BBS1: variants seen among roughly 807,000 people sequenced by gnomAD.
BBS1 encodes Bardet-Biedl syndrome 1.
In BBS1, 60 loss-of-function variants were observed where a neutral mutation model predicts 73.9. The ratio of observed to expected loss-of-function variants is 0.81; its 90% CI spans 0.66 to 1.01. The LOEUF is 1.01. Among genes scored for constraint, BBS1 ranks in the 50% least tolerant of loss-of-function variants. BBS1 has a pLI of 0.00. For missense variants in BBS1, 718 were observed against 770.3 expected (o/e 0.93, Z 0.80); for synonymous variants, 283 against 317.4 (o/e 0.89, Z 1.15).
chr11:66,530,598 A>G (rs999925759), intron 14 of BBS1, among the ~76,000 whole-genome samples: 2 of 151,944 alleles, frequency 1.3e-5, no homozygotes, highest in Admixed American at 6.6e-5. Context: ...CTACCCTAGG[A>G]TGAGAGTGGG....
chr11:66,515,399 C>A, intron 4 of BBS1, 141 bp from the exon 5 acceptor site: 1 of 872,780 alleles, frequency 1.1e-6, no homozygotes, highest in Non-Finnish European at 1.9e-6. Context: ...AGGACGTGAG[C>A]TTGGTGCTCA....
chr11:66,519,440 T>A (rs1309424490), intron 7 of BBS1, among the ~76,000 whole-genome samples, 177 bp from the exon 8 acceptor site: 1 of 152,224 alleles, frequency 6.6e-6, no homozygotes, highest in Non-Finnish European at 1.5e-5. Flanking sequence ...CAATCCTCTT[T>A]TGTTAGAAAG....
chr11:66,523,581 A>G lies in BBS1; in HGVS notation c.951+5A>G. The stretch of plus-strand genomic sequence containing the variant: ...CTGCATGGCTTCACCCACAAGGTGC[A>G]GCCCCCAGCAAGCAGCAGCCCCTCC... On this transcript the variant is annotated splice_donor_5th_base_variant and intron_variant, in intron 10 of 16. Transcript: ENST00000318312. 1 of 1,614,138 alleles carries G rather than the reference A, an allele frequency of 6.2e-7. No homozygotes were observed. The highest frequency in any genetic ancestry group is 8.5e-7 in the Non-Finnish European group (1 of 1,180,028).
chr11:66,523,468 C>A lies in BBS1; in HGVS notation c.843C>A (p.His281Gln), dbSNP rs748076552. 1 of 1,614,136 alleles carries A rather than the reference C, an allele frequency of 6.2e-7. No individual in the cohort carries two copies. Among genetic ancestry groups the A allele is most frequent in the South Asian group, 1.1e-5 (1 of 91,086 alleles). Reference sequence around the variant, plus strand: ...GTTTATTCCACAGAGACTCCAAGCACCCCAAGTACTGCATCGAGCTGAGCG... The same window carrying A: ...GTTTATTCCACAGAGACTCCAAGCAACCCAAGTACTGCATCGAGCTGAGCG... ...NIYILRRDSK[H>Q]PKYCIELSAQ... The change falls in exon 10 of 17, where the codon CAC (histidine) becomes CAA (glutamine). Residue 281 changes from histidine to glutamine, a missense_variant. Transcript: ENST00000318312.
intron 3 of BBS1, 25 bp downstream of exon 3, chr11:66,511,264 G>A: frequency 6.2e-7 from 1 of 1,613,944 alleles, no homozygotes; most frequent in South Asian, 1.1e-5. Context: ...CTAGCCAGGA[G>A]AGTTGAGGGT....
At position 66,514,382 on chromosome 11, in the gene BBS1, G is replaced by C. The variant is rs774930010; in HGVS notation, c.160-24G>C. On this transcript the variant is annotated intron_variant, in intron 3 of 16. Coordinates refer to ENST00000318312, the MANE Select transcript of BBS1 (RefSeq NM_024649.5). ...GAGAGGTCTTCAGACCCTGAGCCTA[G>C]AATGAGCCATCCTCTCCCTGCAGCT... is the stretch of plus-strand genomic sequence containing the variant. The C allele has an allele frequency of 1.7e-5, 27 of 1,613,734 alleles. No individual in the cohort carries two copies. In the East Asian group the frequency reaches 2.2e-4, roughly 13 times the overall value.
intron 5 of BBS1, 50 bp from the exon 6 acceptor site, chr11:66,515,643 C>T (rs1272076327): frequency 6.2e-7 from 1 of 1,614,090 alleles, no homozygotes; most frequent in African/African-American, 1.3e-5. Context: ...ATCTGAGCCC[C>T]AGGGCCCCAT....
chr11:66,531,179 A>C (rs1471353253), intron 15 of BBS1, 151 bp downstream of exon 15: 2 of 1,158,108 alleles, frequency 1.7e-6, no homozygotes, highest in Non-Finnish European at 2.5e-6. Flanking sequence ...AGACCAGGCC[A>C]AGGCCCCAGT....
chr11:66,523,772 A>C lies in BBS1; in HGVS notation c.1000A>C (p.Asn334His). The C allele has an allele frequency of 6.2e-7, 1 of 1,613,200 alleles. No homozygotes were observed. The highest frequency in any genetic ancestry group is 1.1e-5 in the South Asian group (1 of 91,084). Residue 334 changes from asparagine to histidine, a missense_variant, in exon 11 of 17, where the codon AAC (asparagine) becomes CAC (histidine). By Grantham distance (68) the Asn-to-His change is moderately conservative. Transcript: ENST00000318312. Reference sequence around the variant, plus strand: ...GATGCCCGCAGCCATCCTGACCATGAACCTCCTGGAGCAGCATTCCCGGGG... The same window carrying C: ...GATGCCCGCAGCCATCCTGACCATGCACCTCCTGGAGCAGCATTCCCGGGG... ...VQMPAAILTM[N>H]LLEQHSRGLQ...
chr11:66,529,236 G>A (rs1001335171), intron 13 of BBS1: 2 of 1,503,930 alleles, frequency 1.3e-6, no homozygotes, highest in East Asian at 4.9e-5. Flanking sequence ...AGAGTCATGT[G>A]ATCCTGCAAA....
chr11:66,518,761 T>TTC (rs1555047267), intron 7 of BBS1, among the ~76,000 whole-genome samples: 2 of 149,684 alleles, frequency 1.3e-5, no homozygotes, highest in Admixed American at 1.3e-4. Context: ...CCTTTTCTTT[T>TTC]TTTTTTTTTT....
chr11:66,526,643 C>T lies in BBS1; in HGVS notation c.1181-6C>T, dbSNP rs368445790. The T allele has an allele frequency of 1.9e-6, 3 of 1,614,184 alleles. No homozygotes were observed. Among genetic ancestry groups the T allele is most frequent in the Middle Eastern group, 3.3e-4 (2 of 6,062 alleles). On this transcript the variant is annotated splice_polypyrimidine_tract_variant and splice_region_variant and intron_variant, in intron 12 of 16. Coordinates refer to ENST00000318312, the MANE Select transcript of BBS1 (RefSeq NM_024649.5). ...ACAAATCCATTTCCACTGTCCACTTCCCTAGGTGGTGGCCTGATCATCAAG... is the reference window on the plus strand; with the variant it reads ...ACAAATCCATTTCCACTGTCCACTTTCCTAGGTGGTGGCCTGATCATCAAG...
At chr11:66,519,546 G>A in intron 7 of BBS1, 71 bp from the exon 8 acceptor site, 1 of 1,605,690 alleles carries the variant, frequency 6.2e-7, no homozygotes, top group Non-Finnish European at 8.5e-7. Flanking sequence ...CTTCCCTCAT[G>A]TGGCATTCTG....
Position 66,529,857 on chromosome 11 carries a change from C to T in BBS1, c.1378C>T (p.Arg460Cys), listed in dbSNP as rs745460551. Residue 460 changes from arginine (R) to cysteine (C), a missense_variant, in exon 14 of 17, where the codon CGC becomes TGC. Arg to Cys is a radical substitution (Grantham distance 180). Transcript: ENST00000318312. ...RAFQTDLYLL[R>C]LRAARAYLQA... ...CTTCCAGACAGACCTATACCTGCTGCGCCTACGTGCTGCCCGCGCCTACCT... is the reference window on the plus strand; with the variant it reads ...CTTCCAGACAGACCTATACCTGCTGTGCCTACGTGCTGCCCGCGCCTACCT... 4.0e-5 allele frequency: 65 copies of T among 1,610,798 alleles called. 2 individuals carry two copies. In the South Asian group the frequency reaches 5.3e-4, roughly 13 times the overall value.
chr11:66,525,437 A>G (rs10896126), intron 11 of BBS1, among the ~76,000 whole-genome samples: 41,218 of 151,906 alleles, frequency 0.27, 5,739 homozygotes, highest in Middle Eastern at 0.36. Flanking sequence ...ATGGTGGTGC[A>G]TGCCTATAAT....
intron 14 of BBS1, 137 bp from the exon 15 acceptor site, chr11:66,530,757 C>G (rs1856742205): frequency 7.7e-7 from 1 of 1,302,084 alleles, no homozygotes; most frequent in Admixed American, 1.7e-5. Context: ...CCCTTCTGGT[C>G]TTCTGTGTCT....
chr11:66,521,039 C>T, intron 8 of BBS1: 1 of 560,896 alleles, frequency 1.8e-6, no homozygotes, highest in Non-Finnish European at 3.2e-6. Flanking sequence ...TTAAGTACAT[C>T]CTTAGGATGC....
chr11:66,524,181 G>A (rs1565286418), intron 11 of BBS1: 1 of 404,010 alleles, frequency 2.5e-6, no homozygotes, highest in Non-Finnish European at 4.7e-6. Flanking sequence ...TCAGGAGGTT[G>A]AGGTAGGAGA....
intron 11 of BBS1, 74 bp from the exon 12 acceptor site, chr11:66,526,049 C>T: frequency 2.2e-6 from 3 of 1,367,328 alleles, no homozygotes; most frequent in Non-Finnish European, 3.1e-6. Flanking sequence ...TATCTGGGGC[C>T]TCCCCTACCC....
Sources: allele counts gnomAD v4.1 joint callset (sites outside exome capture counted in the v4.1 genomes callset), GRCh38; gene constraint gnomAD v4.1.1; transcripts MANE v1.5; gene names NCBI Gene and HGNC (gene_info 2026-07-23, HGNC 2026-07-21).